SYNE1: variants seen among roughly 807,000 people sequenced by gnomAD.
The protein encoded by SYNE1 is spectrin repeat containing nuclear envelope protein 1.
SYNE1 carries 616 observed loss-of-function variants against 1,111.0 expected under a neutral mutation model. The observed-to-expected ratio is 0.55, with a 90% confidence interval of 0.52 to 0.59. SYNE1 has a LOEUF of 0.59. SYNE1 is among the 20% of genes least tolerant of loss of function. The pLI, the probability that SYNE1 is intolerant of heterozygous loss-of-function variation, is 0.00. For missense variants in SYNE1, 10,006 were observed against 10,417.0 expected (o/e 0.96, Z 1.72); for synonymous variants, 3,855 against 3,825.8 (o/e 1.01, Z -0.28).
intron 129 of SYNE1, among the ~76,000 whole-genome samples, 161 bp downstream of exon 129, chr6:152,179,975 G>A (rs117734706): frequency 0.02 from 3,101 of 152,040 alleles, 45 homozygotes; most frequent in Non-Finnish European, 0.028. Flanking sequence ...GAGCCACTGC[G>A]CCCAGCTGCA....
intron 91 of SYNE1, among the ~76,000 whole-genome samples, chr6:152,304,280 C>G (rs1416885639): frequency 6.6e-6 from 1 of 152,184 alleles, no homozygotes; most frequent in African/African-American, 2.4e-5. Context: ...AGTCACCAAG[C>G]TTTCGCACAA....
At chr6:152,553,555 C>T (rs1299714693) in intron 3 of SYNE1, among the ~76,000 whole-genome samples, 2 of 152,128 alleles carry the variant, frequency 1.3e-5, no homozygotes, top group Non-Finnish European at 2.9e-5. Flanking sequence ...AAGAGTTCTC[C>T]TATCCACGGA....
At chr6:152,141,362 C>A in intron 138 of SYNE1, 33 bp from the exon 139 acceptor site, 2 of 1,612,672 alleles carry the variant, frequency 1.2e-6, no homozygotes, top group Non-Finnish European at 1.7e-6. Flanking sequence ...CCCCTGTCAC[C>A]CAAATCTTCA....
At chr6:152,518,675 A>C (rs1338135122) in intron 6 of SYNE1, among the ~76,000 whole-genome samples, 1 of 152,062 alleles carries the variant, frequency 6.6e-6, no homozygotes, top group Non-Finnish European at 1.5e-5. Context: ...AAAATAAGTA[A>C]ATATATTGTA....
chr6:152,428,356 T>A lies in SYNE1; in HGVS notation c.4825A>T (p.Ile1609Phe). 6.2e-7 allele frequency: 1 copy of A among 1,614,000 alleles called. No homozygotes were observed. Among genetic ancestry groups the A allele is most frequent in the Non-Finnish European group, 8.5e-7 (1 of 1,180,032 alleles). Residue 1609 changes from isoleucine (I) to phenylalanine (F), a missense_variant, in exon 37 of 146, where the codon ATC becomes TTC. Coordinates refer to ENST00000367255, the MANE Select transcript of SYNE1 (RefSeq NM_182961.4). ...CTGGCACTGGCTGAGAAGGCAGTGA[T>A]CGCGCTGCTCAGTGACTCCAGGGCC... ...CQALESLSSAITAFSASARKV... is the reference protein window; with the variant it reads ...CQALESLSSAFTAFSASARKV...
chr6:152,587,609 C>A (rs544467447), intron 3 of SYNE1, among the ~76,000 whole-genome samples: 49 of 152,254 alleles, frequency 3.2e-4, no homozygotes, highest in South Asian at 1.0e-3. Context: ...AGAAAGGGAA[C>A]TAAATCTCTT....
chr6:152,257,829 A>G (rs1360427743), intron 101 of SYNE1, among the ~76,000 whole-genome samples: 4 of 152,202 alleles, frequency 2.6e-5, no homozygotes, highest in Admixed American at 1.3e-4. Context: ...TATAATAAAT[A>G]TAGCATAAAA....
intron 128 of SYNE1, among the ~76,000 whole-genome samples, chr6:152,186,973 T>C (rs1436667610): frequency 6.6e-6 from 1 of 152,204 alleles, no homozygotes; most frequent in Admixed American, 6.5e-5. Flanking sequence ...TATAGGATGA[T>C]TTACTGTATA....
At chr6:152,202,090 T>A in intron 126 of SYNE1, 141 bp from the exon 127 acceptor site, 1 of 1,125,408 alleles carries the variant, frequency 8.9e-7, no homozygotes, top group Non-Finnish European at 1.3e-6. Context: ...CTCACGCGTG[T>A]AATCCCAGCA....
rs9478334 is a variant in SYNE1 at position 152,505,162 on chromosome 6, G to A, written c.778+39C>T. On this transcript the variant is annotated intron_variant, in intron 9 of 145. Coordinates refer to ENST00000367255, the MANE Select transcript of SYNE1 (RefSeq NM_182961.4). ...TGGGTTTAAGACATAAAAACCCTCCGTGTTAAGGTATATAACAGTCAATGA... is the reference window on the plus strand; with the variant it reads ...TGGGTTTAAGACATAAAAACCCTCCATGTTAAGGTATATAACAGTCAATGA... 6.3e-3 allele frequency: 10,105 copies of A among 1,603,166 alleles called. 557 individuals carry two copies. The African/African-American group carries it at 0.12, about 19-fold the overall frequency.
intron 92 of SYNE1, 69 bp from the exon 93 acceptor site, chr6:152,300,850 G>A (rs961536615): frequency 1.2e-4 from 201 of 1,609,392 alleles, no homozygotes; most frequent in Non-Finnish European, 1.6e-4. Flanking sequence ...TCCTGTTCAG[G>A]CACAGGCCAA....
chr6:152,215,128 C>T, intron 121 of SYNE1, 68 bp from the exon 122 acceptor site: 2 of 1,566,896 alleles, frequency 1.3e-6, no homozygotes, highest in Non-Finnish European at 1.7e-6. Context: ...TCAAAGTGCG[C>T]AGTGAATTTC....
intron 3 of SYNE1, among the ~76,000 whole-genome samples, chr6:152,552,853 A>G (rs1476407877): frequency 6.6e-6 from 1 of 152,136 alleles, no homozygotes; most frequent in East Asian, 1.9e-4. Flanking sequence ...TAGAAGATCT[A>G]CTGGACTCCA....
rs2096806176 is a variant in SYNE1, at chr6:152,354,863, A to G, written c.10722T>C (p.Ser3574=). The stretch of plus-strand genomic sequence containing the variant: ...GGTAAGCCTGCCAGTCTTGCCGGAG[A>G]GACTCTAAAGCCCGGTCCTCTGCCT... ...IPQAEDRALE[S]LRQDWQAYQH... The change falls in exon 67 of 146, where the codon TCT becomes TCC. Residue 3574 remains serine, a synonymous_variant. Transcript: ENST00000367255. 2 of 1,614,018 alleles carry G rather than the reference A, an allele frequency of 1.2e-6. No individual in the cohort carries two copies. Among genetic ancestry groups the G allele is most frequent in the Admixed American group, 1.7e-5 (1 of 59,992 alleles).
chr6:152,535,220 C>A (rs1041262548), intron 4 of SYNE1, among the ~76,000 whole-genome samples: 3 of 152,182 alleles, frequency 2.0e-5, no homozygotes, highest in African/African-American at 7.2e-5. Context: ...AGGAGCCTGG[C>A]CTTCGAGTCT....
intron 101 of SYNE1, among the ~76,000 whole-genome samples, 179 bp from the exon 102 acceptor site, chr6:152,256,944 G>A (rs960534752): frequency 6.6e-6 from 1 of 151,858 alleles, no homozygotes; most frequent in South Asian, 2.1e-4. Flanking sequence ...ATGCATCAAT[G>A]GCAATGTTTC....
chr6:152,276,878 C>CTTTTTTTTTT (rs539497198), intron 98 of SYNE1, among the ~76,000 whole-genome samples: 1 of 102,162 alleles, frequency 9.8e-6, no homozygotes, highest in Non-Finnish European at 1.9e-5. Flanking sequence ...ACTCTGCACT[C>CTTTTTTTTTT]TTTTTTTTTT....
At chr6:152,613,542 T>C (rs1583443396) in intron 3 of SYNE1, among the ~76,000 whole-genome samples, 1 of 152,218 alleles carries the variant, frequency 6.6e-6, no homozygotes, top group African/African-American at 2.4e-5. Flanking sequence ...CATGGATAGG[T>C]AGAATCAATA....
chr6:152,514,476 C>T (rs1207401594), intron 6 of SYNE1, among the ~76,000 whole-genome samples: 3 of 151,964 alleles, frequency 2.0e-5, no homozygotes, highest in Non-Finnish European at 2.9e-5. Context: ...CAGTGCCTGT[C>T]ACGGGGTAGG....
Sources: gnomAD v4.1 joint callset for allele counts (sites outside exome capture counted in the v4.1 genomes callset) on GRCh38, gnomAD v4.1.1 for gene constraint, MANE v1.5 for transcripts, NCBI Gene and HGNC (gene_info 2026-07-23, HGNC 2026-07-21) for gene names.